The following TBC1D5 variants were observed in gnomAD, a reference collection of about 807,000 sequenced individuals.
TBC1D5 encodes the protein TBC1 domain family, member 5.
A neutral mutation model predicts 100.3 loss-of-function variants in TBC1D5; 75 were observed. The ratio of observed to expected loss-of-function variants is 0.75; its 90% CI spans 0.62 to 0.91. TBC1D5 has a LOEUF of 0.91. Among genes scored for constraint, TBC1D5 ranks in the 40% least tolerant of loss-of-function variants. TBC1D5 has a pLI of 0.00. For synonymous variants in TBC1D5, 323 were observed against 325.6 expected, an observed-to-expected ratio of 0.99 and a Z score of 0.09; for missense variants, 910 against 942.4, an observed-to-expected ratio of 0.97 and a Z score of 0.45.
At chr3:17,295,348 G>C (rs958258840) in intron 14 of TBC1D5, among the ~76,000 whole-genome samples, 4 of 152,070 alleles carry the variant, frequency 2.6e-5, no homozygotes, top group African/African-American at 9.7e-5. Flanking sequence ...CTATCTACAG[G>C]GTTTCTGTAA....
intron 3 of TBC1D5, among the ~76,000 whole-genome samples, chr3:17,485,118 T>C (rs1421557732): frequency 1.3e-5 from 2 of 151,960 alleles, no homozygotes; most frequent in African/African-American, 2.4e-5. Context: ...AAGAGAAAAA[T>C]GACTATTTAG....
chr3:17,565,278 T>G (rs116757954), intron 2 of TBC1D5, among the ~76,000 whole-genome samples: 1 of 152,140 alleles, frequency 6.6e-6, no homozygotes, highest in Non-Finnish European at 1.5e-5. Context: ...GAGTACTATG[T>G]TTAAAGTCCT....
chr3:17,159,964 G>A (rs1458709600), exon 22 of TBC1D5: 1 of 152,224 alleles, frequency 6.6e-6, no homozygotes, highest in Non-Finnish European at 1.5e-5. Flanking sequence ...CTGACTTTGG[G>A]TGGGAATGAA....
intron 1 of TBC1D5, among the ~76,000 whole-genome samples, chr3:17,639,836 A>G (rs1399211333): frequency 2.0e-5 from 3 of 152,188 alleles, no homozygotes; most frequent in Non-Finnish European, 2.9e-5. Context: ...CTCCAGGAAT[A>G]GCAAATAGGT....
intron 1 of TBC1D5, among the ~76,000 whole-genome samples, chr3:17,666,070 T>A (rs1371938708): frequency 1.3e-5 from 2 of 152,230 alleles, no homozygotes; most frequent in African/African-American, 4.8e-5. Context: ...GCCATGTTTT[T>A]AAAAGTATTA....
chr3:17,456,839 C>T (rs2095097183), intron 3 of TBC1D5, among the ~76,000 whole-genome samples: 1 of 152,104 alleles, frequency 6.6e-6, no homozygotes, highest in South Asian at 2.1e-4. Context: ...CGGATACATG[C>T]TATAAAATGG....
intron 16 of TBC1D5, among the ~76,000 whole-genome samples, chr3:17,247,988 A>ATTT (rs201892029): frequency 2.1e-5 from 3 of 141,174 alleles, no homozygotes; most frequent in Non-Finnish European, 3.1e-5. Flanking sequence ...TCCTCCACTA[A>ATTT]TTTTTTTTTT....
At chr3:17,644,513 C>G (rs1040332058) in intron 1 of TBC1D5, among the ~76,000 whole-genome samples, 11 of 152,114 alleles carry the variant, frequency 7.2e-5, no homozygotes, top group Non-Finnish European at 1.5e-4. Context: ...TGGCACATAA[C>G]AAATATTAAT....
intron 1 of TBC1D5, among the ~76,000 whole-genome samples, chr3:17,664,430 C>G (rs1577321723): frequency 6.6e-6 from 1 of 152,182 alleles, no homozygotes; most frequent in African/African-American, 2.4e-5. Context: ...ATTCTTAAAA[C>G]AGATCTCGAT....
At chr3:17,506,394 G>A (rs1049175182) in intron 3 of TBC1D5, among the ~76,000 whole-genome samples, 1 of 152,154 alleles carries the variant, frequency 6.6e-6, no homozygotes, top group Non-Finnish European at 1.5e-5. Context: ...GTGCATGTGC[G>A]TATGTGTGTT....
intron 3 of TBC1D5, among the ~76,000 whole-genome samples, chr3:17,489,069 C>T (rs1290733649): frequency 6.6e-6 from 1 of 151,600 alleles, no homozygotes; most frequent in Non-Finnish European, 1.5e-5. Context: ...GCCAAAAACG[C>T]TGGGGACTAC....
intron 1 of TBC1D5, among the ~76,000 whole-genome samples, chr3:17,644,460 C>A (rs2064826813): frequency 6.6e-6 from 1 of 152,118 alleles, no homozygotes; most frequent in African/African-American, 2.4e-5. Flanking sequence ...TAATATCATT[C>A]TTCAAACTAA....
At chr3:17,226,376 C>T (rs1272832264) in intron 17 of TBC1D5, among the ~76,000 whole-genome samples, 1 of 150,418 alleles carries the variant, frequency 6.6e-6, no homozygotes, top group Non-Finnish European at 1.5e-5. Flanking sequence ...AATTTAAAGC[C>T]TATTCTTAGG....
intron 1 of TBC1D5, among the ~76,000 whole-genome samples, chr3:17,647,245 G>A (rs1222628233): frequency 6.6e-6 from 1 of 152,052 alleles, no homozygotes; most frequent in African/African-American, 2.4e-5. Flanking sequence ...AGTTCCAGAA[G>A]CTAGATAAAC....
At chr3:17,689,869 C>A (rs1212222787) in intron 1 of TBC1D5, among the ~76,000 whole-genome samples, 1 of 149,064 alleles carries the variant, frequency 6.7e-6, no homozygotes, top group Admixed American at 6.8e-5. Flanking sequence ...CCTAAACATA[C>A]CTAAACATAC....
intron 3 of TBC1D5, among the ~76,000 whole-genome samples, chr3:17,486,138 T>G (rs1162522343): frequency 6.6e-6 from 1 of 152,208 alleles, no homozygotes; most frequent in Non-Finnish European, 1.5e-5. Flanking sequence ...CATAAATGTC[T>G]TCTTTTGAGA....
chr3:17,699,668 C>T (rs1369463483), intron 1 of TBC1D5, among the ~76,000 whole-genome samples: 1 of 99,032 alleles, frequency 1.0e-5, no homozygotes, highest in Admixed American at 1.1e-4. Context: ...ATAAGAAACT[C>T]AGTATATGTA....
chr3:17,201,319 G>A (rs549278166), intron 18 of TBC1D5, among the ~76,000 whole-genome samples: 65 of 152,288 alleles, frequency 4.3e-4, no homozygotes, highest in African/African-American at 1.5e-3. Flanking sequence ...TGAACACAGC[G>A]TGAGCTCGGT....
chr3:17,448,563 T>C (rs969775605), intron 3 of TBC1D5, among the ~76,000 whole-genome samples: 4 of 152,214 alleles, frequency 2.6e-5, no homozygotes, highest in African/African-American at 9.6e-5. Flanking sequence ...GGATGCCGTG[T>C]TGGCAGGCAT....
Sources: gnomAD v4.1 joint callset for allele counts (sites outside exome capture counted in the v4.1 genomes callset) on GRCh38, gnomAD v4.1.1 for gene constraint, MANE v1.5 for transcripts, NCBI Gene and HGNC (gene_info 2026-07-23, HGNC 2026-07-21) for gene names.